RASA1: variants seen among roughly 807,000 people sequenced by gnomAD.
RASA1 encodes the protein RAS p21 protein activator 1, also known as ras GTPase-activating protein 1.
RASA1 carries 25 observed loss-of-function variants against 132.2 expected under a neutral mutation model. That is an observed-to-expected ratio of 0.19 (90% CI 0.14 to 0.26). The LOEUF (loss-of-function observed/expected upper bound fraction) is 0.26. RASA1 is among the 10% of genes least tolerant of loss of function. The pLI, the probability that RASA1 is intolerant of heterozygous loss-of-function variation, is 1.00. For missense variants in RASA1, 964 were observed against 1,299.2 expected (o/e 0.74, Z 3.97); for synonymous variants, 477 against 449.9 (o/e 1.06, Z -0.76).
At chr5:87,345,929 G>A (rs376465650) in intron 6 of RASA1, among the ~76,000 whole-genome samples, 3 of 152,052 alleles carry the variant, frequency 2.0e-5, no homozygotes, top group Non-Finnish European at 2.9e-5. Context: ...TAAATAAGAG[G>A]TGATTTTATG....
At chr5:87,309,814 C>T (rs1175313369) in intron 1 of RASA1, among the ~76,000 whole-genome samples, 1 of 151,954 alleles carries the variant, frequency 6.6e-6, no homozygotes, top group East Asian at 1.9e-4. Context: ...ACTTGTTTAA[C>T]ATTTAATTTG....
intron 1 of RASA1, among the ~76,000 whole-genome samples, chr5:87,317,007 C>T (rs1038100066): frequency 1.3e-5 from 2 of 151,976 alleles, no homozygotes; most frequent in African/African-American, 2.4e-5. Context: ...CTCAGACTCC[C>T]GAGTAGCTGG....
At chr5:87,337,204 A>C (rs1303969215) in intron 4 of RASA1, among the ~76,000 whole-genome samples, 2 of 152,140 alleles carry the variant, frequency 1.3e-5, no homozygotes, top group Admixed American at 6.5e-5. Context: ...TAATGGTTTT[A>C]TATTGATGAA....
chr5:87,269,424 T>A, intron 1 of RASA1: 1 of 1,067,200 alleles, frequency 9.4e-7, no homozygotes, highest in Non-Finnish European at 1.3e-6. Context: ...ACTATAGTAA[T>A]AATTTGAAAA....
At chr5:87,270,011 G>A (rs1464381365) in intron 1 of RASA1, among the ~76,000 whole-genome samples, 2 of 152,084 alleles carry the variant, frequency 1.3e-5, no homozygotes, top group African/African-American at 4.8e-5. Context: ...AGAGGCTGAG[G>A]TGGGCGGATC....
At chr5:87,298,999 A>G (rs1755238745) in intron 1 of RASA1, among the ~76,000 whole-genome samples, 1 of 152,232 alleles carries the variant, frequency 6.6e-6, no homozygotes, top group African/African-American at 2.4e-5. Context: ...CAGAATGTAC[A>G]TTAACTTATT....
intron 17 of RASA1, 115 bp from the exon 18 acceptor site, chr5:87,378,281 A>G (rs2112495258): frequency 8.0e-7 from 1 of 1,251,176 alleles, no homozygotes. Context: ...CTGCACGCAA[A>G]AAGCACATTT....
chr5:87,297,669 C>T (rs563931239), intron 1 of RASA1, among the ~76,000 whole-genome samples: 4 of 152,324 alleles, frequency 2.6e-5, no homozygotes, highest in African/African-American at 9.6e-5. Flanking sequence ...TTGTTAAGAA[C>T]TGATTGCTCT....
At chr5:87,374,475 T>C (rs1354799435) in intron 14 of RASA1, among the ~76,000 whole-genome samples, 155 bp downstream of exon 14, 3 of 140,042 alleles carry the variant, frequency 2.1e-5, no homozygotes, top group Non-Finnish European at 3.1e-5. Flanking sequence ...TTTTTTTTTT[T>C]CTGTTGTTTG....
At chr5:87,294,625 T>C (rs888647169) in intron 1 of RASA1, among the ~76,000 whole-genome samples, 6 of 152,264 alleles carry the variant, frequency 3.9e-5, no homozygotes, top group Non-Finnish European at 5.9e-5. Flanking sequence ...CACATTTCTC[T>C]TTGATTAATG....
chr5:87,283,192 TTTGG>T (rs1754399459), intron 1 of RASA1, among the ~76,000 whole-genome samples: 1 of 150,028 alleles, frequency 6.7e-6, no homozygotes, highest in Non-Finnish European at 1.5e-5. Flanking sequence ...TTTATCATCA[TTTGG>T]TTGGTTTTAC....
Position 87,268,504 on chromosome 5 carries a change from C to T in RASA1, c.53C>T (p.Ala18Val). The T allele has an allele frequency of 1.9e-6, 3 of 1,569,464 alleles. No homozygotes were observed. Among genetic ancestry groups the T allele is most frequent in the Non-Finnish European group, 2.6e-6 (3 of 1,158,314 alleles). ...GAGGGCGGCCCGGTAACAGCCGGAGCTGGAGGAGGCGGCGCGGCAGCGGGC... is the reference window on the plus strand; with the variant it reads ...GAGGGCGGCCCGGTAACAGCCGGAGTTGGAGGAGGCGGCGCGGCAGCGGGC... ...SEEGGPVTAG[A>V]GGGGAAAGSS... is the part of the protein sequence containing the mutation. Residue 18 changes from alanine (A) to valine (V), a missense_variant, in exon 1 of 25, where the codon GCT (alanine) becomes GTT (valine). Physicochemically the swap from Ala to Val is moderately conservative, Grantham distance 64 (BLOSUM62 0). This residue lies in a region of RASA1 where 326 missense variants were observed against 275.8 expected (regional missense o/e 1.18). Coordinates refer to ENST00000274376, the MANE Select transcript of RASA1 (RefSeq NM_002890.3).
rs761122627 is a variant in RASA1, at chr5:87,362,513, G to T, written c.1333-38G>T. ...TAGATTTTTACTTCATTTCCATCAA[G>T]AATGTATGAAATAATTTTAATGTTT... On this transcript the variant is annotated intron_variant, in intron 9 of 24. Coordinates refer to ENST00000274376, the MANE Select transcript of RASA1 (RefSeq NM_002890.3). 3.9e-6 allele frequency: 6 copies of T among 1,556,726 alleles called. No individual in the cohort carries two copies. In the African/African-American group the frequency reaches 8.2e-5, roughly 21 times the overall value.
chr5:87,286,989 C>CATACCATATAT (rs1424912214), intron 1 of RASA1, among the ~76,000 whole-genome samples: 1 of 144,616 alleles, frequency 6.9e-6, no homozygotes, highest in Non-Finnish European at 1.5e-5. Context: ...ACCATATATA[C>CATACCATATAT]ACACCATATA....
At chr5:87,318,504 T>A (rs765074921) in intron 1 of RASA1, 1 of 153,268 alleles carries the variant, frequency 6.5e-6, no homozygotes, top group African/African-American at 2.4e-5. Context: ...CTTACAGTCA[T>A]GGTAGAAGGC....
intron 23 of RASA1, among the ~76,000 whole-genome samples, chr5:87,387,417 A>G (rs933013386): frequency 6.6e-6 from 1 of 152,192 alleles, no homozygotes; most frequent in Non-Finnish European, 1.5e-5. Flanking sequence ...TTGTGATTAC[A>G]AAATTACGAA....
At chr5:87,330,909 A>G (rs1249066763) in intron 1 of RASA1, 3 of 1,349,994 alleles carry the variant, frequency 2.2e-6, no homozygotes, top group Non-Finnish European at 2.9e-6. Flanking sequence ...AAACACTAAA[A>G]TGGAATAAAA....
intron 1 of RASA1, among the ~76,000 whole-genome samples, chr5:87,277,926 C>T (rs1754137763): frequency 6.6e-6 from 1 of 152,056 alleles, no homozygotes; most frequent in Non-Finnish European, 1.5e-5. Context: ...CTACACATGA[C>T]CATGGTAGCC....
intron 13 of RASA1, among the ~76,000 whole-genome samples, chr5:87,373,590 G>A (rs765020043): frequency 2.7e-4 from 41 of 152,072 alleles, no homozygotes; most frequent in Admixed American, 2.1e-3. Context: ...AGTAGTATAT[G>A]GCAAGAGAGA....
Sources: allele counts gnomAD v4.1 joint callset (sites outside exome capture counted in the v4.1 genomes callset), GRCh38; gene constraint gnomAD v4.1.1; regional missense constraint gnomAD v4.1.1; transcripts MANE v1.5; gene names NCBI Gene and HGNC (gene_info 2026-07-23, HGNC 2026-07-21).